The following INTS7 variants were observed in gnomAD, a reference collection of about 807,000 sequenced individuals.
INTS7 encodes integrator complex subunit 7.
In INTS7, 46 loss-of-function variants were observed where a neutral mutation model predicts 109.2. The observed-to-expected ratio is 0.42, with a 90% confidence interval of 0.33 to 0.54. INTS7 has a LOEUF of 0.54. Ranked by LOEUF, INTS7 falls within the 20% of genes least tolerant of loss-of-function variation. INTS7 has a pLI of 0.07. For synonymous variants in INTS7, 412 were observed against 402.9 expected, an observed-to-expected ratio of 1.02 and a Z score of -0.27; for missense variants, 929 against 1,132.4, an observed-to-expected ratio of 0.82 and a Z score of 2.58.
chr1:212,018,530 A>C (rs1459058811), intron 3 of INTS7, among the ~76,000 whole-genome samples: 1 of 151,952 alleles, frequency 6.6e-6, no homozygotes, highest in Non-Finnish European at 1.5e-5. Context: ...GTTTGTGAAA[A>C]CCAATTCAAA....
At chr1:211,966,255 A>G (rs1341306108) in intron 16 of INTS7, 175 bp downstream of exon 16, 3 of 425,348 alleles carry the variant, frequency 7.1e-6, no homozygotes, top group Non-Finnish European at 1.3e-5. Context: ...AACAGGAGGC[A>G]GGAGGTAAAT....
intron 16 of INTS7, among the ~76,000 whole-genome samples, chr1:211,957,266 C>T (rs368758968): frequency 1.1e-3 from 165 of 152,190 alleles, no homozygotes; most frequent in African/African-American, 3.9e-3. Context: ...GGATTGTCAG[C>T]CGGGCATGGT....
At chr1:211,975,435 G>T in intron 12 of INTS7, 63 bp from the exon 13 acceptor site, 1 of 1,249,164 alleles carries the variant, frequency 8.0e-7, no homozygotes, top group Non-Finnish European at 1.2e-6. Context: ...TCTTACATTT[G>T]AAAGAGTTGA....
rs112254930 is a variant in INTS7, at chr1:212,020,817, G to A, written c.224+266C>T. On this transcript the variant is annotated intron_variant, in intron 2 of 19. Coordinates refer to ENST00000366994, the MANE Select transcript of INTS7 (RefSeq NM_015434.4). Reference sequence around the variant, plus strand: ...CAAAAACAATCTGTACAAAGACACAGATTTTCCTGAAGTACACAGTAAAAT... The same window carrying A: ...CAAAAACAATCTGTACAAAGACACAAATTTTCCTGAAGTACACAGTAAAAT... 2.3e-3 allele frequency: 1,896 copies of A among 808,494 alleles called. 30 individuals carry two copies. The African/African-American group carries it at 0.027, about 12-fold the overall frequency. The allele number at this position is 808,494 out of a possible 1,614,324, so 50.1% of individuals were successfully genotyped here. A position where few individuals can be genotyped will look rare whatever the true frequency, so the allele number is the denominator to read the frequency against.
chr1:211,994,313 T>C (rs1665275119), intron 7 of INTS7, among the ~76,000 whole-genome samples: 1 of 152,146 alleles, frequency 6.6e-6, no homozygotes, highest in African/African-American at 2.4e-5. Context: ...CCCTGCTGTA[T>C]TTCAGTATTT....
intron 4 of INTS7, among the ~76,000 whole-genome samples, chr1:212,013,999 G>A (rs1433635917): frequency 6.6e-6 from 1 of 151,942 alleles, no homozygotes; most frequent in Non-Finnish European, 1.5e-5. Context: ...TCTCAATGAG[G>A]GAAAAAAATG....
chr1:211,966,650 C>G lies in INTS7; in HGVS notation c.2115-152G>C, dbSNP rs1008491192. On this transcript the variant is annotated intron_variant, in intron 15 of 19. Transcript: ENST00000366994. ...CGAATGGTCTGGGGCTCTACCTTTT[C>G]TTTTTAAGGGATATACATTGTCTAT... 2.4e-5 allele frequency: 14 copies of G among 574,140 alleles called. No homozygotes were observed. In the Admixed American group the frequency reaches 2.6e-4, roughly 11 times the overall value. 35.6% of individuals were successfully genotyped at this position (574,140 alleles called of 1,614,324 possible). A position where few individuals can be genotyped will look rare whatever the true frequency, so the allele number is the denominator to read the frequency against.
Position 211,978,407 on chromosome 1 carries a change from G to T in INTS7, c.1335C>A (p.Ala445=). ...LTQLHSAQDA[A]RILMCHCLAA... ...CCAGGCAATGGCACATCAAAATCCGGGCAGCGTCTTGAGCACTGTGCAATT... is the reference window on the plus strand; with the variant it reads ...CCAGGCAATGGCACATCAAAATCCGTGCAGCGTCTTGAGCACTGTGCAATT... Residue 445 remains alanine (A), a synonymous_variant, in exon 11 of 20, where the codon GCC becomes GCA. Transcript: ENST00000366994. The T allele has an allele frequency of 6.2e-7, 1 of 1,614,152 alleles. No homozygotes were observed. The highest frequency in any genetic ancestry group is 8.5e-7 in the Non-Finnish European group (1 of 1,180,032).
intron 13 of INTS7, among the ~76,000 whole-genome samples, chr1:211,973,437 C>T (rs1019122737): frequency 6.6e-6 from 1 of 152,196 alleles, no homozygotes; most frequent in African/African-American, 2.4e-5. Flanking sequence ...CCTAACTTTG[C>T]TATCGGGTCT....
rs755081048 is a variant in INTS7, at chr1:212,020,105, T to A, written c.371+17A>T. 11 of 1,517,924 alleles carry A rather than the reference T, an allele frequency of 7.2e-6. No individual in the cohort carries two copies. The highest frequency in any genetic ancestry group is 8.9e-6 in the Non-Finnish European group (10 of 1,126,826). The allele number at this position is 1,517,924 out of a possible 1,614,324, so 94.0% of individuals were successfully genotyped here. On this transcript the variant is annotated intron_variant, in intron 3 of 19. Transcript: ENST00000366994. Reference sequence around the variant, plus strand: ...TTCAAATAATCTCATAGTGAATTATTATAATACGGTATATACCGGAGGGTG... The same window carrying A: ...TTCAAATAATCTCATAGTGAATTATAATAATACGGTATATACCGGAGGGTG...
chr1:211,999,669 C>A (rs571411851), intron 7 of INTS7, among the ~76,000 whole-genome samples: 1 of 152,214 alleles, frequency 6.6e-6, no homozygotes, highest in East Asian at 1.9e-4. Flanking sequence ...ACATAATTTA[C>A]AAAATGCGGT....
chr1:212,026,068 G>C (rs1666905243), intron 1 of INTS7, among the ~76,000 whole-genome samples: 1 of 152,106 alleles, frequency 6.6e-6, no homozygotes, highest in African/African-American at 2.4e-5. Flanking sequence ...AGAACTGCTT[G>C]AACTCGGGAG....
intron 4 of INTS7, among the ~76,000 whole-genome samples, chr1:212,014,729 G>T (rs1022177336): frequency 6.6e-6 from 1 of 151,980 alleles, no homozygotes; most frequent in Non-Finnish European, 1.5e-5. Flanking sequence ...TTTTTTGGTG[G>T]AGACGGGGTT....
At chr1:211,988,596 T>C (rs183999288) in intron 7 of INTS7, among the ~76,000 whole-genome samples, 47 of 152,258 alleles carry the variant, frequency 3.1e-4, no homozygotes, top group African/African-American at 8.9e-4. Context: ...TGTATCAATA[T>C]TGGTTCATTT....
At chr1:211,972,057 A>G (rs1051931228) in intron 13 of INTS7, among the ~76,000 whole-genome samples, 5 of 152,240 alleles carry the variant, frequency 3.3e-5, no homozygotes, top group Admixed American at 2.6e-4. Context: ...GGAGGTGCAC[A>G]TAAGAATTTT....
intron 19 of INTS7, among the ~76,000 whole-genome samples, chr1:211,943,604 AAG>A (rs1662724180): frequency 6.6e-6 from 1 of 152,192 alleles, no homozygotes; most frequent in African/African-American, 2.4e-5. Flanking sequence ...AACAGAGGAA[AAG>A]AGGAGAATGA....
chr1:211,966,085 G>C (rs1663865610), intron 16 of INTS7: 1 of 163,960 alleles, frequency 6.1e-6, no homozygotes, highest in African/African-American at 2.4e-5. Context: ...AGCAAAACCA[G>C]GGATATTTTG....
chr1:212,004,952 T>A (rs1322735169), intron 7 of INTS7, among the ~76,000 whole-genome samples: 1 of 152,200 alleles, frequency 6.6e-6, no homozygotes, highest in Non-Finnish European at 1.5e-5. Flanking sequence ...TGTAAACTGG[T>A]TCATTGACTT....
chr1:212,033,230 T>C (rs1451785423), intron 1 of INTS7, among the ~76,000 whole-genome samples: 1 of 152,210 alleles, frequency 6.6e-6, no homozygotes, highest in African/African-American at 2.4e-5. Context: ...TTCTGACCTT[T>C]AGCTCACAAA....
Sources: gnomAD v4.1 joint callset for allele counts (sites outside exome capture counted in the v4.1 genomes callset) on GRCh38, gnomAD v4.1.1 for gene constraint, MANE v1.5 for transcripts, NCBI Gene and HGNC (gene_info 2026-07-23, HGNC 2026-07-21) for gene names.